RRAS: variants seen among roughly 807,000 people sequenced by gnomAD.
RRAS encodes the protein RAS related.
A neutral mutation model predicts 23.3 loss-of-function variants in RRAS; 18 were observed. That is an observed-to-expected ratio of 0.77 (90% CI 0.53 to 1.15). The LOEUF is 1.15. Ranked by LOEUF, RRAS falls within the 50% of genes most tolerant of loss-of-function variation. The probability of loss-of-function intolerance (pLI) is 0.00; values close to 1 mark genes in which losing one functional copy is unlikely to be tolerated. For missense variants in RRAS, 291 were observed against 317.1 expected, an observed-to-expected ratio of 0.92 and a Z score of 0.62; for synonymous variants, 133 against 138.3, an observed-to-expected ratio of 0.96 and a Z score of 0.27.
rs951106891 is a variant in RRAS at position 49,635,462 on chromosome 19, C to G, written c.*114G>C. Reference sequence around the variant, plus strand: ...AAGTAAGGGTGGGTATGTGATGTGTCCTGGGAGACCCAGATGAGGAAATTG... The same window carrying G: ...AAGTAAGGGTGGGTATGTGATGTGTGCTGGGAGACCCAGATGAGGAAATTG... On this transcript the variant is annotated 3_prime_UTR_variant, in exon 6 of 6. Transcript: ENST00000246792. 2 of 619,248 alleles carry G rather than the reference C, an allele frequency of 3.2e-6. No individual in the cohort carries two copies. Among genetic ancestry groups the G allele is most frequent in the Non-Finnish European group, 5.3e-6 (2 of 380,596 alleles). The allele number at this position is 619,248 out of a possible 1,614,324, so 38.4% of individuals were successfully genotyped here.
At position 49,635,675 on chromosome 19, in the gene RRAS, C is replaced by T. The variant is rs1413308540; in HGVS notation, c.573-15G>A. 2.0e-6 allele frequency: 3 copies of T among 1,476,386 alleles called. No individual in the cohort carries two copies. The highest frequency in any genetic ancestry group is 1.8e-6 in the Non-Finnish European group (2 of 1,098,942). The allele number at this position is 1,476,386 out of a possible 1,614,324, so 91.5% of individuals were successfully genotyped here. On this transcript the variant is annotated splice_polypyrimidine_tract_variant and intron_variant, in intron 5 of 5. Coordinates refer to ENST00000246792, the MANE Select transcript of RRAS (RefSeq NM_006270.5). ...CCTGGTATTTCCTGTGGGAAAACGC[C>T]AGTGAGTTTGGAGTGGAAGGGCTGG...
In RRAS at chr19:49,636,821, C is replaced by T. The variant is rs762781812; in HGVS notation, c.344+3G>A. The T allele has an allele frequency of 6.8e-6, 11 of 1,612,964 alleles. No homozygotes were observed. Among genetic ancestry groups the T allele is most frequent in the Non-Finnish European group, 9.3e-6 (11 of 1,179,784 alleles). On this transcript the variant is annotated splice_donor_region_variant and intron_variant, in intron 3 of 5. Coordinates refer to ENST00000246792, the MANE Select transcript of RRAS (RefSeq NM_006270.5). This position sits in a 1 kb window ranked among gnomAD's most constrained non-coding sequence, Gnocchi z 4.5. Reference sequence around the variant, plus strand: ...CTGCTCCGCCACCAGCAACCCCTGTCACCTCTGCCGGTCGTTAATGGCGAA... The same window carrying T: ...CTGCTCCGCCACCAGCAACCCCTGTTACCTCTGCCGGTCGTTAATGGCGAA...
chr19:49,636,680 T>C lies in RRAS; in HGVS notation c.392A>G (p.Asp131Gly). 1 of 1,614,128 alleles carries C rather than the reference T, an allele frequency of 6.2e-7. No individual in the cohort carries two copies. The highest frequency in any genetic ancestry group is 8.5e-7 in the Non-Finnish European group (1 of 1,179,994). The change falls in exon 4 of 6, where the codon GAC (aspartate) becomes GGC (glycine). Residue 131 changes from aspartate (D) to glycine (G), a missense_variant. Asp to Gly is a moderately conservative substitution (Grantham distance 94). Coordinates refer to ENST00000246792, the MANE Select transcript of RRAS (RefSeq NM_006270.5). This position sits in a 1 kb window ranked among gnomAD's most constrained non-coding sequence, Gnocchi z 4.5. ...CAACACAACGGGGAAGTCGTCGCGG[T>C]CCTTGACCCGCAGAATCTGCGTGAA... is the stretch of plus-strand genomic sequence containing the variant. ...KLFTQILRVK[D>G]RDDFPVVLVG...
chr19:49,637,399 T>G (rs1333677156), intron 1 of RRAS, among the ~76,000 whole-genome samples: 1 of 144,952 alleles, frequency 6.9e-6, no homozygotes. Flanking sequence ...CTCCGCCTCC[T>G]GGGTTCAAGA....
intron 1 of RRAS, among the ~76,000 whole-genome samples, chr19:49,639,149 G>A (rs2081010286): frequency 6.6e-6 from 1 of 152,142 alleles, no homozygotes; most frequent in Admixed American, 6.5e-5. Context: ...CAAACGTGGG[G>A]CCGGGCACGG....
chr19:49,639,584 A>C (rs1053799823), intron 1 of RRAS, among the ~76,000 whole-genome samples: 1 of 151,844 alleles, frequency 6.6e-6, no homozygotes, highest in Non-Finnish European at 1.5e-5. Flanking sequence ...AGGGTGGTGG[A>C]AGGTGGCACC....
At chr19:49,639,457 A>G (rs953316604) in intron 1 of RRAS, among the ~76,000 whole-genome samples, 1 of 151,684 alleles carries the variant, frequency 6.6e-6, no homozygotes, top group Admixed American at 6.6e-5. Context: ...AAAAAAAGAA[A>G]AAAAAGAATC....
intron 1 of RRAS, among the ~76,000 whole-genome samples, chr19:49,639,086 G>A (rs2081010071): frequency 1.3e-5 from 2 of 152,024 alleles, no homozygotes; most frequent in South Asian, 2.1e-4. Flanking sequence ...TCAGGGCCAG[G>A]GTCTGGGTAG....
chr19:49,638,688 C>G (rs923982584), intron 1 of RRAS, among the ~76,000 whole-genome samples: 4 of 152,010 alleles, frequency 2.6e-5, no homozygotes, highest in African/African-American at 9.7e-5. Flanking sequence ...GGAGCCAGCC[C>G]GGAGGTGGCT....
chr19:49,637,165 C>A, intron 1 of RRAS, 35 bp from the exon 2 acceptor site: 1 of 1,522,196 alleles, frequency 6.6e-7, no homozygotes, highest in Non-Finnish European at 9.0e-7. Context: ...TACTGCAGTG[C>A]CCCGGCAGAC....
chr19:49,635,407 C>T lies in RRAS; in HGVS notation c.*169G>A, dbSNP rs1176301136. ...GGACAGGAGGCGTTGGCAGAAGGCA[C>T]ACAGTGGCAGTAGCCCAGAAGAGGC... On this transcript the variant is annotated 3_prime_UTR_variant, in exon 6 of 6. Coordinates refer to ENST00000246792, the MANE Select transcript of RRAS (RefSeq NM_006270.5). 4.7e-6 allele frequency: 2 copies of T among 422,432 alleles called. No individual in the cohort carries two copies. The highest frequency in any genetic ancestry group is 6.9e-5 in the East Asian group (2 of 28,912). 26.2% of individuals were successfully genotyped at this position (422,432 alleles called of 1,614,324 possible).
intron 1 of RRAS, among the ~76,000 whole-genome samples, chr19:49,638,437 T>TG (rs770682485): frequency 9.9e-5 from 15 of 152,046 alleles, no homozygotes; most frequent in Non-Finnish European, 1.9e-4. Flanking sequence ...TCTTTGAAGC[T>TG]GGGAGGACCT....
At position 49,639,981 on chromosome 19, in the gene RRAS, C is replaced by T; in HGVS notation, c.118G>A (p.Val40Met). The change falls in exon 1 of 6, where the codon GTG becomes ATG. Residue 40 changes from valine (V) to methionine (M), a missense_variant. Transcript: ENST00000246792. ...HKLVVVGGGG[V>M]GKSALTIQFI... is the part of the protein sequence containing the mutation. Reference sequence around the variant, plus strand: ...TGGATGGTCAGCGCGCTCTTGCCCACGCCGCCGCCGCCCACGACCACCAGC... The same window carrying T: ...TGGATGGTCAGCGCGCTCTTGCCCATGCCGCCGCCGCCCACGACCACCAGC... 6.3e-7 allele frequency: 1 copy of T among 1,586,080 alleles called. No homozygotes were observed. Among genetic ancestry groups the T allele is most frequent in the Non-Finnish European group, 8.5e-7 (1 of 1,172,586 alleles).
intron 1 of RRAS, among the ~76,000 whole-genome samples, chr19:49,639,472 G>C (rs1245856272): frequency 2.0e-5 from 3 of 151,416 alleles, no homozygotes; most frequent in African/African-American, 7.3e-5. Flanking sequence ...AGAATCGAAC[G>C]TGGTGGAATC....
chr19:49,636,746 G>A lies in RRAS; in HGVS notation c.345-19C>T, dbSNP rs369700575. 3 of 1,612,190 alleles carry A rather than the reference G, an allele frequency of 1.9e-6. No homozygotes were observed. The highest frequency in any genetic ancestry group is 1.1e-5 in the South Asian group (1 of 91,040). On this transcript the variant is annotated intron_variant, in intron 3 of 5. Coordinates refer to ENST00000246792, the MANE Select transcript of RRAS (RefSeq NM_006270.5). The surrounding 1 kb of genome is among the most constrained non-coding windows in gnomAD (Gnocchi z 4.5). ...GTTGAAACTGCGAGTGAAGCCGGAG[G>A]CATGAGGTCCAGCCAGCTGCAGAGC... is the stretch of plus-strand genomic sequence containing the variant.
intron 1 of RRAS, among the ~76,000 whole-genome samples, chr19:49,638,758 G>A (rs1221799387): frequency 6.6e-6 from 1 of 152,146 alleles, no homozygotes; most frequent in Non-Finnish European, 1.5e-5. Flanking sequence ...CATTTATGGG[G>A]TCAGAGAAAC....
At chr19:49,635,696 G>T in intron 5 of RRAS, 36 bp from the exon 6 acceptor site, 3 of 1,532,110 alleles carry the variant, frequency 2.0e-6, no homozygotes, top group Non-Finnish European at 2.7e-6. Context: ...GAGTGGAAGG[G>T]CTGGGGACAA....
At chr19:49,635,687 A>AGT in intron 5 of RRAS, 27 bp from the exon 6 acceptor site, 1 of 1,501,682 alleles carries the variant, frequency 6.7e-7, no homozygotes, top group Non-Finnish European at 9.0e-7. Context: ...GTGAGTTTGG[A>AGT]GTGGAAGGGC....
intron 1 of RRAS, 34 bp from the exon 2 acceptor site, chr19:49,637,164 G>GCC: frequency 6.5e-7 from 1 of 1,530,604 alleles, no homozygotes; most frequent in East Asian, 2.3e-5. Flanking sequence ...TTACTGCAGT[G>GCC]CCCCGGCAGA....
Sources: allele counts gnomAD v4.1 joint callset (sites outside exome capture counted in the v4.1 genomes callset), GRCh38; gene constraint gnomAD v4.1.1; non-coding constraint Gnocchi (gnomAD v3.1); transcripts MANE v1.5; gene names NCBI Gene and HGNC (gene_info 2026-07-23, HGNC 2026-07-21).